NBPF12: variants seen among roughly 807,000 people sequenced by gnomAD.
NBPF12 encodes the protein NBPF family member NBPF12.
In NBPF12, 115 loss-of-function variants were observed where a neutral mutation model predicts 146.4. The ratio of observed to expected loss-of-function variants is 0.79; its 90% CI spans 0.68 to 0.92. The LOEUF is 0.92. Ranked by LOEUF, NBPF12 falls within the 40% of genes least tolerant of loss-of-function variation. The probability of loss-of-function intolerance (pLI) is 0.00; values close to 1 mark genes in which losing one functional copy is unlikely to be tolerated. For synonymous variants in NBPF12, 385 were observed against 508.9 expected (o/e 0.76, Z 3.28); for missense variants, 1,205 against 1,326.8 (o/e 0.91, Z 1.43).
At chr1:146,944,947 CTTTT>C (rs1214226219), upstream of NBPF12, among the ~76,000 whole-genome samples, 9 of 55,126 alleles carry the variant, frequency 1.6e-4, no homozygotes, top group Non-Finnish European at 3.2e-5. Context: ...TCCCTCCCTT[CTTTT>C]CTTCCTCCCT....
intron 14 of NBPF12, among the ~76,000 whole-genome samples, chr1:146,973,415 A>C (rs1188568688): frequency 0.04 from 4,413 of 109,508 alleles, no homozygotes; most frequent in Admixed American, 0.057. Flanking sequence ...TGGTGATAGT[A>C]GCCAGTACCC....
rs1336126358 is a variant in NBPF12 at position 146,961,326 on chromosome 1, TCTCCTGGGCTC to T, written c.176-833_176-823del. On this transcript the variant is annotated intron_variant, in intron 4 of 33. Coordinates refer to ENST00000617844, the Ensembl canonical transcript of NBPF12. ...GTGCAAAGCAGGGACCCTCAGCCTG[TCTCCTGGGCTC>T]CATCCAAGTTGCTTGTCTTGTCTGT... Among the ~76,000 whole-genome samples, 4 of 151,596 alleles carry T rather than the reference TCTCCTGGGCTC, an allele frequency of 2.6e-5. No individual in the cohort carries two copies. In the East Asian group the frequency reaches 7.8e-4, roughly 29 times the overall value.
intron 9 of NBPF12, among the ~76,000 whole-genome samples, chr1:146,967,256 C>T (rs1656268288): frequency 6.6e-6 from 1 of 150,452 alleles, no homozygotes. Context: ...TAATCCCAGC[C>T]CTTTGGGAGG....
intron 2 of NBPF12, among the ~76,000 whole-genome samples, chr1:146,953,058 C>A (rs1190778989): frequency 6.6e-6 from 1 of 150,616 alleles, no homozygotes; most frequent in Non-Finnish European, 1.5e-5. Context: ...TGGCGCCTCT[C>A]CTCTACAGGC....
At chr1:146,982,979 A>T in exon 20 of NBPF12, 1 of 1,609,432 alleles carries the variant, frequency 6.2e-7, no homozygotes, top group Admixed American at 1.7e-5. Flanking sequence ...CCTGGGATGA[A>T]GGTTATTCGA....
At chr1:146,983,664 AAGCCATAAT>A (rs1485226645) in intron 20 of NBPF12, among the ~76,000 whole-genome samples, 1 of 114,952 alleles carries the variant, frequency 8.7e-6, no homozygotes, top group Non-Finnish European at 1.8e-5. Context: ...TCACCCACAA[AAGCCATAAT>A]AGCTGATGCT....
At chr1:146,971,269 G>T in exon 13 of NBPF12, 2 of 1,612,436 alleles carry the variant, frequency 1.2e-6, no homozygotes, top group African/African-American at 1.4e-5. Flanking sequence ...CACGGCCCTT[G>T]TGACTCCAAC....
At chr1:146,972,457 A>G (rs1444576249) in intron 13 of NBPF12, among the ~76,000 whole-genome samples, 7 of 151,526 alleles carry the variant, frequency 4.6e-5, no homozygotes, top group African/African-American at 1.7e-4. Flanking sequence ...CTTTTGTGCT[A>G]CACAGAAACA....
intron 19 of NBPF12, among the ~76,000 whole-genome samples, chr1:146,980,659 C>T (rs1478007284): frequency 1.3e-5 from 2 of 151,996 alleles, no homozygotes; most frequent in Non-Finnish European, 2.9e-5. Flanking sequence ...GTGGAGAAAT[C>T]GAACACTTTT....
At chr1:146,966,798 G>A (rs1656241910) in intron 9 of NBPF12, 125 bp downstream of exon 12, 2 of 716,330 alleles carry the variant, frequency 2.8e-6, no homozygotes, top group Admixed American at 2.2e-5. Context: ...AAACAGAAAT[G>A]GGTATTTTAA....
chr1:146,989,534 A>C, intron 27 of NBPF12, 40 bp from the exon 31 acceptor site: 2 of 1,318,680 alleles, frequency 1.5e-6, no homozygotes, highest in South Asian at 2.3e-5. Flanking sequence ...GTGATTTCTG[A>C]TTCCCCCTGG....
intron 13 of NBPF12, among the ~76,000 whole-genome samples, chr1:146,972,205 T>A (rs1656688561): frequency 6.6e-6 from 1 of 150,722 alleles, no homozygotes; most frequent in African/African-American, 2.5e-5. Flanking sequence ...AACCAGCCTG[T>A]CCAAGTTGGC....
intron 10 of NBPF12, among the ~76,000 whole-genome samples, chr1:146,968,856 G>T (rs1409897866): frequency 6.6e-6 from 1 of 151,246 alleles, no homozygotes; most frequent in African/African-American, 2.5e-5. Context: ...TACTCAAAAT[G>T]GTGTGCCATC....
chr1:146,982,412 G>A (rs1363635384), intron 19 of NBPF12, among the ~76,000 whole-genome samples: 70 of 150,376 alleles, frequency 4.7e-4, no homozygotes, highest in Non-Finnish European at 9.6e-4. Context: ...TTTAAATCCA[G>A]GGAGAGATGT....
intron 9 of NBPF12, among the ~76,000 whole-genome samples, 165 bp downstream of exon 12, chr1:146,966,838 CCAAAGTATTTAG>C (rs1656243840): frequency 6.7e-6 from 1 of 149,794 alleles, no homozygotes; most frequent in African/African-American, 2.5e-5. Flanking sequence ...GACAGAGGTA[CCAAAGTATTTAG>C]CAACTTTCCA....
chr1:146,982,369 G>C (rs1290122440), intron 19 of NBPF12, among the ~76,000 whole-genome samples: 4 of 150,684 alleles, frequency 2.7e-5, no homozygotes, highest in Non-Finnish European at 5.9e-5. Context: ...CTCAAACAGG[G>C]ATTTCTTGGT....
chr1:146,938,734 C>G (rs1489305583), upstream of NBPF12: 6 of 151,928 alleles, frequency 3.9e-5, no homozygotes, highest in Non-Finnish European at 7.3e-5. Flanking sequence ...TCTCCTGACA[C>G]GGCCCATCCG....
At chr1:146,967,988 AG>A (rs1452590979) in intron 9 of NBPF12, among the ~76,000 whole-genome samples, 1 of 146,974 alleles carries the variant, frequency 6.8e-6, no homozygotes, top group African/African-American at 2.6e-5. Flanking sequence ...AAAAAATCAA[AG>A]ATTTTTAAAA....
At chr1:146,971,923 C>CAAA (rs1183344325) in intron 13 of NBPF12, among the ~76,000 whole-genome samples, 3 of 138,574 alleles carry the variant, frequency 2.2e-5, no homozygotes, top group Admixed American at 7.1e-5. Context: ...ACTAAAAATA[C>CAAA]AAAAAAAAAA....
Sources: gnomAD v4.1 joint callset for allele counts (sites outside exome capture counted in the v4.1 genomes callset) on GRCh38, gnomAD v4.1.1 for gene constraint, MANE v1.5 for transcripts, NCBI Gene and HGNC (gene_info 2026-07-23, HGNC 2026-07-21) for gene names.